The following YES1 variants were observed in gnomAD, a reference collection of about 807,000 sequenced individuals.
YES1 encodes the protein YES proto-oncogene 1, Src family tyrosine kinase.
YES1 carries 39 observed loss-of-function variants against 70.4 expected under a neutral mutation model. The ratio of observed to expected loss-of-function variants is 0.55; its 90% confidence interval spans 0.43 to 0.72. The LOEUF (loss-of-function observed/expected upper bound fraction) is 0.72, where lower values mean the gene tolerates loss of function less well. Ranked by LOEUF, YES1 falls within the 30% of genes least tolerant of loss-of-function variation. The pLI is 0.00. For synonymous variants in YES1, 198 were observed against 218.6 expected (o/e 0.91, Z 0.83); for missense variants, 495 against 644.8 (o/e 0.77, Z 2.52).
chr18:760,412 G>A (rs1420814569), intron 1 of YES1, among the ~76,000 whole-genome samples: 2 of 152,114 alleles, frequency 1.3e-5, no homozygotes, highest in African/African-American at 4.8e-5. Flanking sequence ...GGAGGTTGCA[G>A]TAAGTCAAGA....
intron 1 of YES1, among the ~76,000 whole-genome samples, chr18:757,406 G>A (rs1373437243): frequency 2.6e-5 from 4 of 152,034 alleles, no homozygotes; most frequent in East Asian, 1.9e-4. Context: ...GGGAGGCTGA[G>A]GCAGGAGAAT....
chr18:756,396 T>C (rs1373158430), intron 2 of YES1, among the ~76,000 whole-genome samples, 161 bp downstream of exon 2: 1 of 152,176 alleles, frequency 6.6e-6, no homozygotes, highest in Non-Finnish European at 1.5e-5. Flanking sequence ...TACCCATGTA[T>C]ACAATAAAAC....
chr18:801,719 C>G (rs1042171707), intron 1 of YES1, among the ~76,000 whole-genome samples: 1 of 151,682 alleles, frequency 6.6e-6, no homozygotes, highest in African/African-American at 2.4e-5. Flanking sequence ...TGTGTATATA[C>G]AGAGAGAGAG....
intron 1 of YES1, among the ~76,000 whole-genome samples, chr18:787,220 C>A (rs1377718434): frequency 6.7e-6 from 1 of 150,342 alleles, no homozygotes; most frequent in Non-Finnish European, 1.5e-5. Flanking sequence ...CTGCCTCAGC[C>A]TCCAGAGTAG....
rs1907312749 is a variant in YES1, at chr18:810,389, T to C, written c.-9+1725A>G. ...CACACAAAAACAGCCCATGTATTAA[T>C]ATTATACTTCGACCACAAGACAAAT... On this transcript the variant is annotated intron_variant, in intron 1 of 11. Transcript: ENST00000314574. 1.3e-5 allele frequency among the ~76,000 whole-genome samples: 2 copies of C among 152,220 alleles called. 1 individual carries two copies. Among genetic ancestry groups the C allele is most frequent in the Admixed American group, 1.3e-4 (2 of 15,276 alleles).
chr18:726,082 G>A (rs1452471389), intron 11 of YES1, among the ~76,000 whole-genome samples: 1 of 152,100 alleles, frequency 6.6e-6, no homozygotes, highest in Non-Finnish European at 1.5e-5. Context: ...ATCCAAATAA[G>A]CCGGAACCTA....
chr18:757,403 T>C (rs1270277145), intron 1 of YES1, among the ~76,000 whole-genome samples: 2 of 149,830 alleles, frequency 1.3e-5, no homozygotes, highest in African/African-American at 5.0e-5. Context: ...CTCGGGAGGC[T>C]GAGGCAGGAG....
chr18:767,769 C>T (rs147414552), intron 1 of YES1, among the ~76,000 whole-genome samples: 8,470 of 152,204 alleles, frequency 0.056, 329 homozygotes, highest in East Asian at 0.13. Flanking sequence ...GGCACGATCT[C>T]GGTTCACTGC....
Position 722,663 on chromosome 18 carries a change from T to C in YES1, c.*1761A>G, listed in dbSNP as rs1404164274. 6.6e-6 allele frequency: 1 copy of C among 152,246 alleles called. No individual in the cohort carries two copies. Among genetic ancestry groups the C allele is most frequent in the Non-Finnish European group, 1.5e-5 (1 of 68,046 alleles). The allele number at this position is 152,246 out of a possible 1,614,324, so 9.4% of individuals were successfully genotyped here. On this transcript the variant is annotated 3_prime_UTR_variant, in exon 12 of 12. Transcript: ENST00000314574. Reference sequence around the variant, plus strand: ...TCTTAAAAATTAGTCTTATTTTGTATGTTTCACTTTTGCACTTTAGGGTAA... The same window carrying C: ...TCTTAAAAATTAGTCTTATTTTGTACGTTTCACTTTTGCACTTTAGGGTAA...
rs35126906 is a variant in YES1 at position 743,295 on chromosome 18, T to C, written c.845A>G (p.Lys282Arg). ...IPRESLRLEVKLGQGCFGEVW... is the reference protein window; with the variant it reads ...IPRESLRLEVRLGQGCFGEVW... ...TTCGCCGAAACATCCTTGTCCTAGT[T>C]TAACCTCTAGTCGCAAAGATTCTCG... The change falls in exon 7 of 12, where the codon AAA becomes AGA. Residue 282 changes from lysine to arginine, a missense_variant. By Grantham distance (26) the Lys-to-Arg change is conservative. Coordinates refer to ENST00000314574, the MANE Select transcript of YES1 (RefSeq NM_005433.4). The C allele has an allele frequency of 6.2e-7, 1 of 1,612,258 alleles. No homozygotes were observed. Among genetic ancestry groups the C allele is most frequent in the East Asian group, 2.2e-5 (1 of 44,880 alleles).
chr18:753,141 G>A (rs2080363344), intron 2 of YES1, among the ~76,000 whole-genome samples: 1 of 151,948 alleles, frequency 6.6e-6, no homozygotes, highest in Admixed American at 6.6e-5. Context: ...ATTATTCAAG[G>A]CAGGTATTCA....
At chr18:753,737 C>T (rs776746622) in intron 2 of YES1, among the ~76,000 whole-genome samples, 2 of 152,146 alleles carry the variant, frequency 1.3e-5, no homozygotes, top group Non-Finnish European at 2.9e-5. Flanking sequence ...CTACCTGAGT[C>T]GGCCTCCCAA....
intron 1 of YES1, among the ~76,000 whole-genome samples, chr18:808,940 T>C (rs1310100050): frequency 2.0e-5 from 3 of 152,188 alleles, no homozygotes; most frequent in South Asian, 2.1e-4. Flanking sequence ...TTCTTAAGAA[T>C]AGAAAAACTA....
rs572642202 is a variant in YES1 at position 809,835 on chromosome 18, T to C, written c.-9+2279A>G. On this transcript the variant is annotated intron_variant, in intron 1 of 11. Coordinates refer to ENST00000314574, the MANE Select transcript of YES1 (RefSeq NM_005433.4). ...TTCTGCACACAAACGTAGGGCTTAA[T>C]GAATTACACTAAGACCAATACCCTT... Among the ~76,000 whole-genome samples the C allele has an allele frequency of 5.9e-5, 9 of 152,242 alleles. No individual in the cohort carries two copies. In the South Asian group the frequency reaches 1.7e-3, roughly 28 times the overall value.
At chr18:735,831 A>C (rs1010189592) in intron 10 of YES1, 2 of 152,200 alleles carry the variant, frequency 1.3e-5, no homozygotes, top group Admixed American at 1.3e-4. Context: ...TGAAAAAAAA[A>C]GTGGCAGCTA....
chr18:777,618 C>T (rs1275465094), intron 1 of YES1, among the ~76,000 whole-genome samples: 1 of 151,836 alleles, frequency 6.6e-6, no homozygotes, highest in Admixed American at 6.6e-5. Flanking sequence ...ACCGGCCTGG[C>T]CAACATGCTG....
chr18:767,565 G>T (rs932646995), intron 1 of YES1, among the ~76,000 whole-genome samples: 2 of 152,142 alleles, frequency 1.3e-5, no homozygotes, highest in Non-Finnish European at 2.9e-5. Context: ...AATTAACCAT[G>T]TATGTGTGTA....
At chr18:765,248 CTATATATATA>C (rs71174288) in intron 1 of YES1, among the ~76,000 whole-genome samples, 1,068 of 91,428 alleles carry the variant, frequency 0.012, 20 homozygotes, top group African/African-American at 0.035. Context: ...AGAGTTACAA[CTATATATATA>C]TATATATATA....
chr18:741,008 G>A (rs563945977), intron 8 of YES1, among the ~76,000 whole-genome samples: 7 of 152,046 alleles, frequency 4.6e-5, no homozygotes, highest in African/African-American at 1.4e-4. Context: ...AGCCATTCTC[G>A]TGCCTCAGCC....
Sources: gnomAD v4.1 joint callset for allele counts (sites outside exome capture counted in the v4.1 genomes callset) on GRCh38, gnomAD v4.1.1 for gene constraint, MANE v1.5 for transcripts, NCBI Gene and HGNC (gene_info 2026-07-23, HGNC 2026-07-21) for gene names.